Variants in MAPK4 observed in about 807,000 individuals in gnomAD.
MAPK4 encodes the protein mitogen-activated protein kinase 4.
MAPK4 carries 22 observed loss-of-function variants against 47.7 expected under a neutral mutation model. The observed-to-expected ratio is 0.46, with a 90% CI of 0.33 to 0.66. MAPK4 has a LOEUF of 0.66. Ranked by LOEUF, MAPK4 falls within the 30% of genes least tolerant of loss-of-function variation. The probability of loss-of-function intolerance (pLI) is 0.02; values close to 1 mark genes in which losing one functional copy is unlikely to be tolerated. For missense variants in MAPK4, 736 were observed against 831.7 expected, an observed-to-expected ratio of 0.88 and a Z score of 1.42; for synonymous variants, 390 against 365.7, an observed-to-expected ratio of 1.07 and a Z score of -0.76.
At chr18:50,668,909 C>T (rs531912792) in intron 2 of MAPK4, among the ~76,000 whole-genome samples, 3 of 152,324 alleles carry the variant, frequency 2.0e-5, no homozygotes, top group Admixed American at 6.5e-5. Context: ...TCTGCCAAAT[C>T]GGGAGAGTCA....
intron 1 of MAPK4, among the ~76,000 whole-genome samples, chr18:50,617,779 A>G (rs1233999167): frequency 6.6e-6 from 1 of 152,244 alleles, no homozygotes; most frequent in Non-Finnish European, 1.5e-5. Flanking sequence ...ACTACTTGTA[A>G]GAAGACCTTA....
chr18:50,663,946 C>A lies in MAPK4; in HGVS notation c.-13C>A. The A allele has an allele frequency of 2.5e-6, 4 of 1,599,730 alleles. No individual in the cohort carries two copies. Among genetic ancestry groups the A allele is most frequent in the South Asian group, 1.1e-5 (1 of 89,652 alleles). On this transcript the variant is annotated 5_prime_UTR_variant, in exon 2 of 6. Coordinates refer to ENST00000400384, the MANE Select transcript of MAPK4 (RefSeq NM_002747.4). Reference sequence around the variant, plus strand: ...CTGTGTTACCTGGGCAGCTCCAGATCACTGAGCCCACAATGGCTGAGAAGG... The same window carrying A: ...CTGTGTTACCTGGGCAGCTCCAGATAACTGAGCCCACAATGGCTGAGAAGG...
At chr18:50,696,470 C>T (rs982900385) in intron 2 of MAPK4, among the ~76,000 whole-genome samples, 6 of 151,856 alleles carry the variant, frequency 4.0e-5, no homozygotes, top group Non-Finnish European at 7.4e-5. Flanking sequence ...GCGGCATCTC[C>T]TATGCTTGAG....
intron 3 of MAPK4, among the ~76,000 whole-genome samples, chr18:50,716,594 C>T (rs1339652154): frequency 6.6e-6 from 1 of 152,236 alleles, no homozygotes; most frequent in Non-Finnish European, 1.5e-5. Flanking sequence ...GCTCTGGCTG[C>T]AGCATGAGCC....
At position 50,720,211 on chromosome 18, in the gene MAPK4, C is replaced by T. The variant is rs188460652; in HGVS notation, c.692-1727C>T. Among the ~76,000 whole-genome samples, 8 of 152,214 alleles carry T rather than the reference C, an allele frequency of 5.3e-5. No individual in the cohort carries two copies. In the East Asian group the frequency reaches 5.8e-4, roughly 11 times the overall value. On this transcript the variant is annotated intron_variant, in intron 3 of 5. Transcript: ENST00000400384. ...AAGAATCACTCACGGATGATTAGGA[C>T]ATAAATCCCCAAGGTGGAATTATTC...
intron 2 of MAPK4, among the ~76,000 whole-genome samples, chr18:50,701,154 A>T (rs915274759): frequency 1.3e-5 from 2 of 151,928 alleles, no homozygotes; most frequent in African/African-American, 4.8e-5. Context: ...TCCAAGCTTA[A>T]ATTCTAACAA....
At chr18:50,561,656 C>A (rs1448060792) in intron 1 of MAPK4, among the ~76,000 whole-genome samples, 1 of 152,150 alleles carries the variant, frequency 6.6e-6, no homozygotes, top group Non-Finnish European at 1.5e-5. Context: ...ATCTTCTGAA[C>A]CTCGAGTCTT....
In MAPK4 at chr18:50,715,295, CACTT is replaced by C. The variant is rs552636138; in HGVS notation, c.691+75_691+78del. On this transcript the variant is annotated intron_variant, in intron 3 of 5. Transcript: ENST00000400384. ...ATAGAAAGGGGAACTGAGTGCAAAA[CACTT>C]ACAATCACAAAACATGCTCATCTTT... 6,886 of 1,476,750 alleles carry C rather than the reference CACTT, an allele frequency of 4.7e-3. 33 individuals carry two copies. The highest frequency in any genetic ancestry group is 5.5e-3 in the Non-Finnish European group (6,046 of 1,098,252). 91.5% of individuals were successfully genotyped at this position (1,476,750 alleles called of 1,614,324 possible). A position where few individuals can be genotyped will look rare whatever the true frequency, so the allele number is the denominator to read the frequency against.
At chr18:50,560,944 GGCTTTTGC>G (rs2149353554) in intron 1 of MAPK4, among the ~76,000 whole-genome samples, 1 of 152,380 alleles carries the variant, frequency 6.6e-6, no homozygotes, top group Non-Finnish European at 1.5e-5. Flanking sequence ...AAGTCAGGCC[GGCTTTTGC>G]TTTTGTTCTG....
chr18:50,584,983 TATAA>T (rs2042376583), intron 1 of MAPK4, among the ~76,000 whole-genome samples: 1 of 152,268 alleles, frequency 6.6e-6, no homozygotes, highest in South Asian at 2.1e-4. Flanking sequence ...TTGGTTCCTG[TATAA>T]ATGTTTCTTG....
chr18:50,654,439 C>G (rs576202976), intron 1 of MAPK4, among the ~76,000 whole-genome samples: 10 of 152,358 alleles, frequency 6.6e-5, no homozygotes, highest in African/African-American at 2.2e-4. Flanking sequence ...GATCACTTCC[C>G]TTCAGAACAC....
chr18:50,589,496 T>C (rs1241995407), intron 1 of MAPK4, among the ~76,000 whole-genome samples: 3 of 149,710 alleles, frequency 2.0e-5, no homozygotes, highest in Non-Finnish European at 4.4e-5. Context: ...CTCGGGAGGC[T>C]GAGGCAGGAG....
chr18:50,721,889 C>A (rs1442050495), intron 3 of MAPK4, 49 bp from the exon 4 acceptor site: 1 of 1,605,744 alleles, frequency 6.2e-7, no homozygotes, highest in Non-Finnish European at 8.5e-7. Context: ...CTACTGCACA[C>A]CACAGCCCCT....
chr18:50,560,435 G>A (rs921424531), intron 1 of MAPK4, among the ~76,000 whole-genome samples, 192 bp downstream of exon 1: 1 of 152,002 alleles, frequency 6.6e-6, no homozygotes, highest in African/African-American at 2.4e-5. Flanking sequence ...GGTCTCCCGC[G>A]GGACCCGCCC....
chr18:50,574,253 A>G (rs909779932), intron 1 of MAPK4, among the ~76,000 whole-genome samples: 26 of 152,276 alleles, frequency 1.7e-4, no homozygotes, highest in African/African-American at 5.3e-4. Context: ...TATGGCACAT[A>G]TATTCATTCC....
chr18:50,679,003 A>G (rs781175568), intron 2 of MAPK4, among the ~76,000 whole-genome samples: 20 of 152,182 alleles, frequency 1.3e-4, no homozygotes, highest in Non-Finnish European at 8.8e-5. Context: ...AGTAAGCTCG[A>G]TGAAGCCATT....
chr18:50,705,734 A>G (rs1326853601), intron 2 of MAPK4: 2 of 152,146 alleles, frequency 1.3e-5, no homozygotes, highest in African/African-American at 4.8e-5. Context: ...CTTCTACCAC[A>G]TGGCCACGTG....
chr18:50,604,992 G>A (rs1365642245), intron 1 of MAPK4, among the ~76,000 whole-genome samples: 1 of 152,198 alleles, frequency 6.6e-6, no homozygotes, highest in Non-Finnish European at 1.5e-5. Flanking sequence ...AGGAGCAGAG[G>A]GTGCAGGAGG....
At chr18:50,568,014 G>A (rs1322322201) in intron 1 of MAPK4, among the ~76,000 whole-genome samples, 1 of 151,906 alleles carries the variant, frequency 6.6e-6, no homozygotes, top group Non-Finnish European at 1.5e-5. Context: ...GGCTAACACG[G>A]TGAAACCCCG....
Sources: gnomAD v4.1 joint callset for allele counts (sites outside exome capture counted in the v4.1 genomes callset) on GRCh38, gnomAD v4.1.1 for gene constraint, MANE v1.5 for transcripts, NCBI Gene and HGNC (gene_info 2026-07-23, HGNC 2026-07-21) for gene names.